The following KIAA1671 variants were observed in gnomAD, a reference collection of about 807,000 sequenced individuals.
KIAA1671 encodes the protein KIAA1671.
A neutral mutation model predicts 131.2 loss-of-function variants in KIAA1671; 52 were observed. That is an observed-to-expected ratio of 0.40 (90% CI 0.32 to 0.50). The LOEUF is 0.50. Among genes scored for constraint, KIAA1671 ranks in the 20% least tolerant of loss-of-function variants. KIAA1671 has a pLI of 0.73. For missense variants in KIAA1671, 2,360 were observed against 2,364.2 expected (o/e 1.00, Z 0.04); for synonymous variants, 1,003 against 961.6 (o/e 1.04, Z -0.80).
chr22:25,085,462 A>G (rs1201693019), intron 6 of KIAA1671, among the ~76,000 whole-genome samples: 2 of 152,148 alleles, frequency 1.3e-5, no homozygotes, highest in South Asian at 2.1e-4. Context: ...CCTCTGGTGT[A>G]TATTTCCAGC....
chr22:25,130,056 CG>C (rs1568971629), intron 6 of KIAA1671, among the ~76,000 whole-genome samples: 1 of 151,902 alleles, frequency 6.6e-6, no homozygotes, highest in African/African-American at 2.4e-5. Context: ...GCCTGGGCAA[CG>C]GAGTGAGATG....
chr22:25,040,530 C>G lies in KIAA1671; in HGVS notation c.3400C>G (p.Arg1134Gly), dbSNP rs1292231095. 6.4e-7 allele frequency: 1 copy of G among 1,551,650 alleles called. No homozygotes were observed. Among genetic ancestry groups the G allele is most frequent in the African/African-American group, 1.4e-5 (1 of 73,006 alleles). The change falls in exon 5 of 13, where the codon CGG becomes GGG. Residue 1134 changes from arginine (R) to glycine (G), a missense_variant. Transcript: ENST00000358431. ...IIDVDALWSH[R>G]GSEDGPRPQS... ...TGATGTGGATGCCTTATGGAGTCAT[C>G]GGGGATCAGAAGATGGCCCTCGTCC...
chr22:25,091,851 G>A (rs1930044744), intron 6 of KIAA1671, among the ~76,000 whole-genome samples: 1 of 152,182 alleles, frequency 6.6e-6, no homozygotes, highest in South Asian at 2.1e-4. Flanking sequence ...CCTAGGCTCT[G>A]GTTCATCAGG....
At chr22:25,005,264 C>T (rs1200632731) in intron 1 of KIAA1671, among the ~76,000 whole-genome samples, 1 of 149,964 alleles carries the variant, frequency 6.7e-6, no homozygotes, top group East Asian at 1.9e-4. Context: ...AGCAGAATCG[C>T]TTGAACCCGG....
chr22:25,093,824 T>TCTCTCTCTCTCTCTCTCTTTCTCTCTC (rs1555877745), intron 6 of KIAA1671, among the ~76,000 whole-genome samples: 1 of 21,922 alleles, frequency 4.6e-5, no homozygotes, highest in African/African-American at 2.8e-4. Context: ...CTCTCTCTCT[T>TCTCTCTCTCTCTCTCTCTTTCTCTCTC]TCTCTCTCTG....
At chr22:25,106,127 C>T (rs946097088) in intron 6 of KIAA1671, among the ~76,000 whole-genome samples, 1 of 152,154 alleles carries the variant, frequency 6.6e-6, no homozygotes, top group African/African-American at 2.4e-5. Context: ...TGAGGGAAAG[C>T]TCTCAAGCGA....
chr22:24,957,291 C>G (rs1297888162), intron 1 of KIAA1671, among the ~76,000 whole-genome samples: 1 of 152,142 alleles, frequency 6.6e-6, no homozygotes. Flanking sequence ...AGCAACAGCA[C>G]TGGCAAAGGC....
At chr22:25,019,853 G>A (rs1358229686) in intron 1 of KIAA1671, among the ~76,000 whole-genome samples, 1 of 152,130 alleles carries the variant, frequency 6.6e-6, no homozygotes, top group Non-Finnish European at 1.5e-5. Flanking sequence ...GATGTGATGG[G>A]ATTTTTGTGC....
rs535441460 is a variant in KIAA1671 at position 25,138,929 on chromosome 22, G to A, written c.4531-31891G>A. ...TCCAGAGATCTCAGGAAGATGTTTT[G>A]TCTTTGGGTGCTTGGGAATCCCACC... On this transcript the variant is annotated intron_variant, in intron 6 of 12. Coordinates refer to ENST00000358431, the MANE Select transcript of KIAA1671 (RefSeq NM_001145206.2). Among the ~76,000 whole-genome samples the A allele has an allele frequency of 8.5e-5, 13 of 152,230 alleles. No homozygotes were observed. In the South Asian group the frequency reaches 2.7e-3, roughly 32 times the overall value.
At chr22:25,010,164 TTTATA>T (rs1297600680) in intron 1 of KIAA1671, 9 of 152,084 alleles carry the variant, frequency 5.9e-5, no homozygotes, top group South Asian at 2.1e-4. Flanking sequence ...TCTGTGAGTC[TTTATA>T]TTATATTTGC....
chr22:25,018,484 G>A (rs1258741039), intron 1 of KIAA1671, among the ~76,000 whole-genome samples: 2 of 151,122 alleles, frequency 1.3e-5, no homozygotes, highest in Non-Finnish European at 2.9e-5. Context: ...TCACATTGTT[G>A]TGTGACCATC....
intron 6 of KIAA1671, among the ~76,000 whole-genome samples, chr22:25,155,792 G>A (rs182665312): frequency 5.9e-5 from 9 of 151,766 alleles, no homozygotes; most frequent in Admixed American, 5.9e-4. Flanking sequence ...GTGCTTGTGT[G>A]TATTTGTATA....
intron 6 of KIAA1671, among the ~76,000 whole-genome samples, chr22:25,090,917 C>T (rs918267125): frequency 3.3e-5 from 5 of 152,206 alleles, no homozygotes; most frequent in African/African-American, 1.2e-4. Flanking sequence ...TATTGGACTG[C>T]AGGCTCCACA....
chr22:24,957,525 G>C (rs889822212), intron 1 of KIAA1671, among the ~76,000 whole-genome samples: 7 of 152,104 alleles, frequency 4.6e-5, no homozygotes, highest in Non-Finnish European at 8.8e-5. Flanking sequence ...CCAGATTATA[G>C]GAGTGTGAAC....
chr22:25,093,848 C>CTCTG (rs1930259187), intron 6 of KIAA1671, among the ~76,000 whole-genome samples: 2 of 67,680 alleles, frequency 3.0e-5, no homozygotes, highest in African/African-American at 5.5e-5. Context: ...GTCTCTCTCT[C>CTCTG]TCTCTCTCTC....
At position 25,028,490 on chromosome 22, in the gene KIAA1671, C is replaced by T. The variant is rs2145787136; in HGVS notation, c.491C>T (p.Ala164Val). ...CTGGGGAAGGCGGTTAGTGAGGGGG[C>T]GGAGGAGGCCAAGCTAGGTGTGTCC... ...PALGKAVSEG[A>V]EEAKLGVSGS... Residue 164 changes from alanine (A) to valine (V), a missense_variant, in exon 3 of 13, where the codon GCG becomes GTG. Coordinates refer to ENST00000358431, the MANE Select transcript of KIAA1671 (RefSeq NM_001145206.2). The T allele has an allele frequency of 9.0e-6, 14 of 1,549,062 alleles. No individual in the cohort carries two copies. The highest frequency in any genetic ancestry group is 1.2e-5 in the South Asian group (1 of 83,664).
intron 6 of KIAA1671, among the ~76,000 whole-genome samples, chr22:25,131,843 G>C (rs1932453505): frequency 6.6e-6 from 1 of 152,064 alleles, no homozygotes; most frequent in African/African-American, 2.4e-5. Context: ...AGGTTACTTT[G>C]CCCCTTGGTG....
intron 5 of KIAA1671, among the ~76,000 whole-genome samples, chr22:25,044,170 C>T (rs987091843): frequency 2.6e-5 from 4 of 152,230 alleles, no homozygotes; most frequent in Admixed American, 2.0e-4. Context: ...TGCTACTTGC[C>T]TGCTGTGTGT....
chr22:25,118,680 A>G (rs1043134341), intron 6 of KIAA1671, among the ~76,000 whole-genome samples: 7 of 151,574 alleles, frequency 4.6e-5, no homozygotes, highest in African/African-American at 1.7e-4. Context: ...TTCTCCTCCC[A>G]ACAACCCAAG....
Sources: allele counts gnomAD v4.1 joint callset (sites outside exome capture counted in the v4.1 genomes callset), GRCh38; gene constraint gnomAD v4.1.1; transcripts MANE v1.5; gene names NCBI Gene and HGNC (gene_info 2026-07-23, HGNC 2026-07-21).